Variants in ZBTB38 observed in about 807,000 individuals in gnomAD.
ZBTB38 encodes the protein zinc finger and BTB domain containing 38.
Under a neutral mutation model 76.8 loss-of-function variants are expected in ZBTB38, and 20 were observed. That is an observed-to-expected ratio of 0.26 (90% CI 0.18 to 0.38). The LOEUF is 0.38. Among genes scored for constraint, ZBTB38 ranks in the 10% least tolerant of loss-of-function variants. The pLI, the probability that ZBTB38 is intolerant of heterozygous loss-of-function variation, is 1.00. For missense variants in ZBTB38, 1,082 were observed against 1,482.3 expected, an observed-to-expected ratio of 0.73 and a Z score of 4.43; for synonymous variants, 504 against 544.2, an observed-to-expected ratio of 0.93 and a Z score of 1.03.
At chr3:141,347,310 G>A (rs1207785901) in intron 1 of ZBTB38, among the ~76,000 whole-genome samples, 1 of 152,184 alleles carries the variant, frequency 6.6e-6, no homozygotes, top group Non-Finnish European at 1.5e-5. Flanking sequence ...TTTGTGGCCA[G>A]AGGAGCAATA....
At chr3:141,407,517 C>T (rs973003470) in intron 5 of ZBTB38, among the ~76,000 whole-genome samples, 4 of 152,248 alleles carry the variant, frequency 2.6e-5, no homozygotes, top group South Asian at 2.1e-4. Context: ...TGCATCTACA[C>T]GTAAAGCCTT....
intron 1 of ZBTB38, among the ~76,000 whole-genome samples, chr3:141,346,782 T>TTGTGTGTGTGTGTGTGTGTGTGTGTG (rs56345431): frequency 6.9e-6 from 1 of 144,562 alleles, no homozygotes; most frequent in African/African-American, 2.6e-5. Context: ...TTGTTTTGTT[T>TTGTGTGTGTGTGTGTGTGTGTGTGTG]TGTGTGTGTG....
At chr3:141,429,046 C>T (rs928363002) in intron 5 of ZBTB38, among the ~76,000 whole-genome samples, 4 of 152,094 alleles carry the variant, frequency 2.6e-5, no homozygotes, top group African/African-American at 9.7e-5. Flanking sequence ...GGCACTGTTC[C>T]AGGTGCTTAA....
intron 4 of ZBTB38, among the ~76,000 whole-genome samples, chr3:141,392,256 G>T (rs544433336): frequency 1.3e-5 from 2 of 152,148 alleles, no homozygotes; most frequent in African/African-American, 4.8e-5. Context: ...GGGGAAGGGG[G>T]CTGGTGGTAA....
At chr3:141,416,305 A>T (rs1371181046) in intron 5 of ZBTB38, among the ~76,000 whole-genome samples, 1 of 152,252 alleles carries the variant, frequency 6.6e-6, no homozygotes, top group Non-Finnish European at 1.5e-5. Context: ...TTTTGAGGGC[A>T]GCATGGCCTG....
chr3:141,444,935 G>T lies in ZBTB38; in HGVS notation c.2547G>T (p.Val849=). The change falls in exon 6 of 6, where the codon GTG becomes GTT. Residue 849 remains valine (V), a synonymous_variant. Transcript: ENST00000321464. This position sits in a 1 kb window ranked among gnomAD's most constrained non-coding sequence, Gnocchi z 5.1. ...ITVKIGNEAI[V]KRHILGSKLF... ...TGAAAATTGGAAACGAAGCCATTGT[G>T]AAAAGGCACATTCTAGGATCTAAAT... is the stretch of plus-strand genomic sequence containing the variant. The T allele has an allele frequency of 6.2e-7, 1 of 1,614,162 alleles. No homozygotes were observed. Among genetic ancestry groups the T allele is most frequent in the South Asian group, 1.1e-5 (1 of 91,082 alleles).
chr3:141,399,683 C>T (rs145672175), intron 4 of ZBTB38, among the ~76,000 whole-genome samples: 80 of 152,080 alleles, frequency 5.3e-4, no homozygotes, highest in Non-Finnish European at 6.9e-4. Context: ...AGATTCCTAA[C>T]CAATAGTAGG....
chr3:141,402,110 G>A (rs908211747), intron 4 of ZBTB38, among the ~76,000 whole-genome samples: 1 of 152,230 alleles, frequency 6.6e-6, no homozygotes, highest in Non-Finnish European at 1.5e-5. Flanking sequence ...CCCTGAGGAG[G>A]CTGAGGCCGC....
chr3:141,429,936 A>G (rs1398234392), intron 5 of ZBTB38, among the ~76,000 whole-genome samples: 1 of 152,200 alleles, frequency 6.6e-6, no homozygotes, highest in Non-Finnish European at 1.5e-5. Context: ...GAGAGTGGAC[A>G]GCACAGGGCC....
upstream of ZBTB38, among the ~76,000 whole-genome samples, chr3:141,366,012 A>T (rs1265107083): frequency 6.6e-6 from 1 of 152,224 alleles, no homozygotes; most frequent in East Asian, 1.9e-4. Flanking sequence ...CCAGCATTTA[A>T]CTGCATTTGT....
At chr3:141,417,675 A>G (rs1267408855) in intron 5 of ZBTB38, among the ~76,000 whole-genome samples, 1 of 152,146 alleles carries the variant, frequency 6.6e-6, no homozygotes, top group African/African-American at 2.4e-5. Context: ...CCTATATTAA[A>G]TCTTTTAAAT....
chr3:141,377,194 A>G (rs1945501389), intron 2 of ZBTB38, among the ~76,000 whole-genome samples: 1 of 152,216 alleles, frequency 6.6e-6, no homozygotes. Context: ...CCACCACTGC[A>G]GTCAGGAGCA....
chr3:141,405,119 T>TCAA (rs1225707003), intron 5 of ZBTB38, among the ~76,000 whole-genome samples: 1 of 152,260 alleles, frequency 6.6e-6, no homozygotes, highest in Non-Finnish European at 1.5e-5. Flanking sequence ...TTATTTTTCA[T>TCAA]CAACAAATGT....
upstream of ZBTB38, among the ~76,000 whole-genome samples, chr3:141,364,270 A>G (rs1382277465): frequency 6.6e-6 from 1 of 151,118 alleles, no homozygotes; most frequent in Admixed American, 6.6e-5. Context: ...TATGCTTCAA[A>G]TAACACCAAC....
intron 1 of ZBTB38, among the ~76,000 whole-genome samples, chr3:141,340,997 A>AAAG (rs1216185033): frequency 9.3e-6 from 1 of 107,958 alleles, no homozygotes; most frequent in Non-Finnish European, 2.0e-5. Flanking sequence ...AAAGAGAAAG[A>AAAG]AGAAAGAAAG....
At chr3:141,359,620 G>T (rs189096054) in intron 1 of ZBTB38, among the ~76,000 whole-genome samples, 1 of 152,236 alleles carries the variant, frequency 6.6e-6, no homozygotes, top group African/African-American at 2.4e-5. Context: ...GTGAAGATAA[G>T]AAAAACAGTA....
chr3:141,444,482 T>C lies in ZBTB38; in HGVS notation c.2094T>C (p.Asn698=). 1 of 1,614,162 alleles carries C rather than the reference T, an allele frequency of 6.2e-7. No individual in the cohort carries two copies. Among genetic ancestry groups the C allele is most frequent in the Non-Finnish European group, 8.5e-7 (1 of 1,180,040 alleles). The change falls in exon 6 of 6, where the codon AAT becomes AAC. Residue 698 remains asparagine (N), a synonymous_variant. Coordinates refer to ENST00000321464, the MANE Select transcript of ZBTB38 (RefSeq NM_001376113.1). This position sits in a 1 kb window ranked among gnomAD's most constrained non-coding sequence, Gnocchi z 5.1. ...ATGTACCTGTTTTATCTTTGAGTAA[T>C]AGCAGTGAGAATGCCGCCTCTGTGA... ...AGDVPVLSLS[N]SSENAASVIS...
At chr3:141,395,747 T>C (rs996264780) in intron 4 of ZBTB38, among the ~76,000 whole-genome samples, 2 of 152,186 alleles carry the variant, frequency 1.3e-5, no homozygotes, top group African/African-American at 4.8e-5. Flanking sequence ...ATACCTCAGA[T>C]GTCACAGGTT....
At chr3:141,429,455 G>A (rs186283847) in intron 5 of ZBTB38, among the ~76,000 whole-genome samples, 3 of 152,218 alleles carry the variant, frequency 2.0e-5, no homozygotes, top group Non-Finnish European at 2.9e-5. Flanking sequence ...TTTTTTAGTC[G>A]GGGTGAGCCT....
Sources: gnomAD v4.1 joint callset for allele counts (sites outside exome capture counted in the v4.1 genomes callset) on GRCh38, gnomAD v4.1.1 for gene constraint, Gnocchi (gnomAD v3.1) non-coding constraint, MANE v1.5 for transcripts, NCBI Gene and HGNC (gene_info 2026-07-23, HGNC 2026-07-21) for gene names.